Variants in OR10H1 observed in about 807,000 individuals in gnomAD.
OR10H1 encodes olfactory receptor family 10 subfamily H member 1.
In OR10H1, 12 loss-of-function variants were observed where a neutral mutation model predicts 13.1. The ratio of observed to expected loss-of-function variants is 0.92; its 90% CI spans 0.59 to 1.48. The LOEUF (loss-of-function observed/expected upper bound fraction) is 1.48, where lower values mean the gene tolerates loss of function less well. OR10H1 is among the 40% of genes most tolerant of loss of function. The pLI is 0.00. For missense variants in OR10H1, 363 were observed against 413.1 expected, an observed-to-expected ratio of 0.88 and a Z score of 1.05; for synonymous variants, 168 against 175.6, an observed-to-expected ratio of 0.96 and a Z score of 0.34.
chr19:15,810,672 T>C (rs2088928085), intron 2 of OR10H1, among the ~76,000 whole-genome samples: 1 of 151,344 alleles, frequency 6.6e-6, no homozygotes, highest in Non-Finnish European at 1.5e-5. Flanking sequence ...GAGGGGAGAA[T>C]GGGGAGTGAC....
Position 15,806,153 on chromosome 19 carries a change from G to A in OR10H1, c.*928C>T, listed in dbSNP as rs958040906. On this transcript the variant is annotated 3_prime_UTR_variant, in exon 4 of 4. Coordinates refer to ENST00000641419, the MANE Select transcript of OR10H1 (RefSeq NM_013940.4). ...TTTGCATTGCTGGTTTGCATTATTG[G>A]GGGTATTAGATGACCCTGGCTTTTG... is the stretch of plus-strand genomic sequence containing the variant. The A allele has an allele frequency of 1.3e-5, 2 of 152,086 alleles. No individual in the cohort carries two copies. Among genetic ancestry groups the A allele is most frequent in the African/African-American group, 4.8e-5 (2 of 41,398 alleles). 9.4% of individuals were successfully genotyped at this position (152,086 alleles called of 1,614,324 possible). A position where few individuals can be genotyped will look rare whatever the true frequency, so the allele number is the denominator to read the frequency against.
Position 15,810,444 on chromosome 19 carries a change from T to C in OR10H1, c.-128-1603A>G, listed in dbSNP as rs576364781. 2.5e-4 allele frequency among the ~76,000 whole-genome samples: 38 copies of C among 151,872 alleles called. No homozygotes were observed. The South Asian group carries it at 7.9e-3, about 32-fold the overall frequency. On this transcript the variant is annotated intron_variant, in intron 2 of 3. Coordinates refer to ENST00000641419, the MANE Select transcript of OR10H1 (RefSeq NM_013940.4). ...ACTGAACATAATGTTTTAGGGTTCA[T>C]TTGCATTGTAGCATGCAATTGTAAC...
intron 2 of OR10H1, among the ~76,000 whole-genome samples, chr19:15,810,374 A>G (rs1432584762): frequency 1.3e-5 from 2 of 150,842 alleles, no homozygotes; most frequent in African/African-American, 4.9e-5. Flanking sequence ...CATTTTACAT[A>G]AATGGAATCA....
intron 3 of OR10H1, 63 bp from the exon 4 acceptor site, chr19:15,808,111 C>T: frequency 7.2e-7 from 1 of 1,394,004 alleles, no homozygotes; most frequent in Non-Finnish European, 1.0e-6. Flanking sequence ...CAGCCTTCCC[C>T]ATACCTGGAT....
chr19:15,810,285 CT>C (rs2088925803), intron 2 of OR10H1, among the ~76,000 whole-genome samples: 1 of 101,800 alleles, frequency 9.8e-6, no homozygotes, highest in African/African-American at 4.0e-5. Context: ...CAGAGCAAGA[CT>C]CCTTCTCAAA....
At position 15,807,942 on chromosome 19, in the gene OR10H1, C is replaced by T; in HGVS notation, c.96G>A (p.Leu32=). 6.2e-7 allele frequency: 1 copy of T among 1,614,058 alleles called. No individual in the cohort carries two copies. Among genetic ancestry groups the T allele is most frequent in the East Asian group, 2.2e-5 (1 of 44,870 alleles). ...HLQLMLFLLF[L]LMYLFTLLGN... is the part of the protein sequence containing the mutation. ...CCAGCAGCGTGAACAGGTACATCAG[C>T]AGGAACAGCAGGAAGAGCATCAGCT... The change falls in exon 4 of 4, where the codon CTG becomes CTA. Residue 32 remains leucine (L), a synonymous_variant. Coordinates refer to ENST00000641419, the MANE Select transcript of OR10H1 (RefSeq NM_013940.4).
chr19:15,806,068 G>A lies in OR10H1; in HGVS notation c.*1013C>T, dbSNP rs530661314. The A allele has an allele frequency of 1.3e-5, 2 of 152,248 alleles. No homozygotes were observed. The highest frequency in any genetic ancestry group is 4.8e-5 in the African/African-American group (2 of 41,538). The allele number at this position is 152,248 out of a possible 1,614,324, so 9.4% of individuals were successfully genotyped here. A position where few individuals can be genotyped will look rare whatever the true frequency, so the allele number is the denominator to read the frequency against. On this transcript the variant is annotated 3_prime_UTR_variant, in exon 4 of 4. Transcript: ENST00000641419. ...AATCTGGAGTAGCCTTACAAAATCT[G>A]AGTTGTAGCTACCTGGTGCGGCACT...
At chr19:15,811,436 T>C (rs2088931978) in intron 2 of OR10H1, among the ~76,000 whole-genome samples, 1 of 152,106 alleles carries the variant, frequency 6.6e-6, no homozygotes, top group East Asian at 1.9e-4. Context: ...ATAACATGTT[T>C]AGTAGCATCC....
Position 15,807,804 on chromosome 19 carries a change from G to C in OR10H1, c.234C>G (p.Ile78Met). The C allele has an allele frequency of 6.2e-7, 1 of 1,606,462 alleles. No individual in the cohort carries two copies. The highest frequency in any genetic ancestry group is 8.5e-7 in the Non-Finnish European group (1 of 1,174,090). Residue 78 changes from isoleucine to methionine, a missense_variant, in exon 4 of 4, where the codon ATC (isoleucine) becomes ATG (methionine). Transcript: ENST00000641419. ...ACAGCAGGTCGGCCAGCATGCGCGG[G>C]ATGATGGCCACGGTGTAGAGGATCT... Reference protein sequence around the residue: ...VSEILYTVAIIPRMLADLLST... With the variant: ...VSEILYTVAIMPRMLADLLST...
In OR10H1 at chr19:15,807,189, T is replaced by C; in HGVS notation, c.849A>G (p.Thr283=). ...TLMGITYTVL[T]PFLSPIIFSL... ...TGAAGATGATGGGGCTGAGGAAGGG[T>C]GTGAGGACCGTGTAGGTGATGCCCA... The change falls in exon 4 of 4, where the codon ACA becomes ACG. Residue 283 remains threonine (T), a synonymous_variant. Coordinates refer to ENST00000641419, the MANE Select transcript of OR10H1 (RefSeq NM_013940.4). 3 of 1,613,768 alleles carry C rather than the reference T, an allele frequency of 1.9e-6. No homozygotes were observed. The highest frequency in any genetic ancestry group is 1.3e-5 in the African/African-American group (1 of 74,882).
intron 2 of OR10H1, among the ~76,000 whole-genome samples, chr19:15,811,193 G>A (rs578248101): frequency 1.3e-5 from 2 of 152,266 alleles, no homozygotes; most frequent in East Asian, 3.9e-4. Context: ...TAGCTCCACA[G>A]AATAGTGGCC....
At chr19:15,814,643 G>A (rs908244699) in intron 1 of OR10H1, among the ~76,000 whole-genome samples, 2 of 151,676 alleles carry the variant, frequency 1.3e-5, no homozygotes, top group African/African-American at 2.4e-5. Flanking sequence ...CTCTGGAGTA[G>A]CTACAGGTGC....
Position 15,808,040 on chromosome 19 carries a change from A to G in OR10H1, c.-3T>C, listed in dbSNP as rs545768809. Reference sequence around the variant, plus strand: ...GTGGAGTGATTGGCTCTCTGCATGGAGGCTGTGCCTGGGGTGAGATGTGAC... The same window carrying G: ...GTGGAGTGATTGGCTCTCTGCATGGGGGCTGTGCCTGGGGTGAGATGTGAC... On this transcript the variant is annotated 5_prime_UTR_variant, in exon 4 of 4. Coordinates refer to ENST00000641419, the MANE Select transcript of OR10H1 (RefSeq NM_013940.4). 20 of 1,605,964 alleles carry G rather than the reference A, an allele frequency of 1.2e-5. No individual in the cohort carries two copies. Among genetic ancestry groups the G allele is most frequent in the African/African-American group, 9.3e-5 (7 of 74,892 alleles).
intron 1 of OR10H1, among the ~76,000 whole-genome samples, chr19:15,814,410 C>T (rs2144946371): frequency 6.6e-6 from 1 of 151,640 alleles, no homozygotes; most frequent in Admixed American, 6.6e-5. Context: ...AGCTCCTAAC[C>T]ATTCCCTCAC....
intron 2 of OR10H1, among the ~76,000 whole-genome samples, chr19:15,811,561 G>A (rs1338724947): frequency 3.3e-5 from 5 of 152,072 alleles, no homozygotes; most frequent in Non-Finnish European, 7.4e-5. Context: ...GTTGAGAACC[G>A]CTGATCCAGA....
intron 1 of OR10H1, among the ~76,000 whole-genome samples, chr19:15,814,869 C>A (rs1050549703): frequency 2.0e-5 from 3 of 152,122 alleles, no homozygotes; most frequent in African/African-American, 7.2e-5. Flanking sequence ...CTCTTTCTCT[C>A]TTTTCTCCGC....
chr19:15,804,982 G>A lies in OR10H1; in HGVS notation c.*2099C>T, dbSNP rs1478820402. 6.6e-6 allele frequency: 1 copy of A among 152,160 alleles called. No individual in the cohort carries two copies. Among genetic ancestry groups the A allele is most frequent in the Non-Finnish European group, 1.5e-5 (1 of 68,036 alleles). 9.4% of individuals were successfully genotyped at this position (152,160 alleles called of 1,614,324 possible). ...TTTCTCTGATGGCCAGTGATGACGAGCATTTTTTCATATGTTTTTTGGCTG... is the reference window on the plus strand; with the variant it reads ...TTTCTCTGATGGCCAGTGATGACGAACATTTTTTCATATGTTTTTTGGCTG... On this transcript the variant is annotated 3_prime_UTR_variant, in exon 4 of 4. Coordinates refer to ENST00000641419, the MANE Select transcript of OR10H1 (RefSeq NM_013940.4).
chr19:15,808,745 G>A lies in OR10H1; in HGVS notation c.-32C>T, dbSNP rs544802656. Reference sequence around the variant, plus strand: ...CGCACCTGTAGTCCCAGCTCTTCGGGAGGCAGAGACAGGAGAATCTCTTGA... The same window carrying A: ...CGCACCTGTAGTCCCAGCTCTTCGGAAGGCAGAGACAGGAGAATCTCTTGA... On this transcript the variant is annotated 5_prime_UTR_variant, in exon 3 of 4. Transcript: ENST00000641419. 735 of 152,218 alleles carry A rather than the reference G, an allele frequency of 4.8e-3. 2 individuals carry two copies. Among genetic ancestry groups the A allele is most frequent in the Non-Finnish European group, 8.7e-3 (593 of 68,062 alleles). The allele number at this position is 152,218 out of a possible 1,614,324, so 9.4% of individuals were successfully genotyped here.
At chr19:15,810,989 A>G (rs1156842299) in intron 2 of OR10H1, among the ~76,000 whole-genome samples, 1 of 152,218 alleles carries the variant, frequency 6.6e-6, no homozygotes, top group African/African-American at 2.4e-5. Flanking sequence ...TAGAAAGGGT[A>G]GTTCACTTCC....
Sources: gnomAD v4.1 joint callset for allele counts (sites outside exome capture counted in the v4.1 genomes callset) on GRCh38, gnomAD v4.1.1 for gene constraint, MANE v1.5 for transcripts, NCBI Gene and HGNC (gene_info 2026-07-23, HGNC 2026-07-21) for gene names.